Variants in NEDD1 observed in about 807,000 individuals in gnomAD.
NEDD1 encodes NEDD1 gamma-tubulin ring complex targeting factor.
NEDD1 carries 33 observed loss-of-function variants against 74.0 expected under a neutral mutation model. That is an observed-to-expected ratio of 0.45 (90% CI 0.34 to 0.60). The LOEUF is 0.60. NEDD1 is among the 20% of genes least tolerant of loss of function. The pLI is 0.01. For missense variants in NEDD1, 746 were observed against 776.5 expected, an observed-to-expected ratio of 0.96 and a Z score of 0.47; for synonymous variants, 250 against 264.4, an observed-to-expected ratio of 0.95 and a Z score of 0.53.
intron 8 of NEDD1, 53 bp downstream of exon 8, chr12:96,936,865 G>A (rs2052312): frequency 2.0e-5 from 23 of 1,130,486 alleles, no homozygotes; most frequent in Non-Finnish European, 3.0e-5. Flanking sequence ...ATCTAACTCA[G>A]AATATGGAAA....
At chr12:96,943,315 G>T (rs973669521) in intron 11 of NEDD1, among the ~76,000 whole-genome samples, 3 of 152,084 alleles carry the variant, frequency 2.0e-5, no homozygotes, top group Admixed American at 6.6e-5. Context: ...TATCTTTGAA[G>T]CCTTACCACT....
chr12:96,915,854 A>G (rs1284709609), intron 4 of NEDD1, among the ~76,000 whole-genome samples: 3 of 152,242 alleles, frequency 2.0e-5, no homozygotes, highest in African/African-American at 7.2e-5. Context: ...GCAGTAAACT[A>G]GTAAACAAAA....
At chr12:96,908,534 G>T (rs1216166028) in intron 2 of NEDD1, among the ~76,000 whole-genome samples, 1 of 152,110 alleles carries the variant, frequency 6.6e-6, no homozygotes, top group Non-Finnish European at 1.5e-5. Flanking sequence ...TAAAGTGCCT[G>T]TCTAGAGCAG....
In NEDD1 at chr12:96,953,146, G is replaced by A. The variant is rs1044910; in HGVS notation, c.*1093G>A. On this transcript the variant is annotated 3_prime_UTR_variant, in exon 16 of 16. Transcript: ENST00000266742. ...GTCTCTTGTCCCAAAGATTTAAACTGTGTACCTTTGTATAGCTCTTCTGCC... is the reference window on the plus strand; with the variant it reads ...GTCTCTTGTCCCAAAGATTTAAACTATGTACCTTTGTATAGCTCTTCTGCC... 0.55 allele frequency: 82,887 copies of A among 150,276 alleles called. 23,022 individuals carry two copies. The highest frequency in any genetic ancestry group is 0.57 in the Admixed American group (8,524 of 15,062). 9.3% of individuals were successfully genotyped at this position (150,276 alleles called of 1,614,324 possible). A position where few individuals can be genotyped will look rare whatever the true frequency, so the allele number is the denominator to read the frequency against.
chr12:96,916,096 A>G (rs954191717), intron 4 of NEDD1, among the ~76,000 whole-genome samples: 3 of 152,054 alleles, frequency 2.0e-5, no homozygotes, highest in Non-Finnish European at 4.4e-5. Flanking sequence ...AAGGAATGGA[A>G]GGTCAGTATG....
chr12:96,912,801 T>C lies in NEDD1; in HGVS notation c.215T>C (p.Leu72Ser), dbSNP rs771294752. 1.9e-6 allele frequency: 3 copies of C among 1,597,634 alleles called. No individual in the cohort carries two copies. In the South Asian group the frequency reaches 3.4e-5, roughly 18 times the overall value. Residue 72 changes from leucine (L) to serine (S), a missense_variant, in exon 4 of 16, where the codon TTA becomes TCA. Coordinates refer to ENST00000266742, the MANE Select transcript of NEDD1 (RefSeq NM_152905.4). ...TGCAAATGTAAACCTGTTCCACTTT[T>C]AGAGCTTGCTGAAGGGGTAAGTGAT... ...SSCKCKPVPLLELAEGQKQTC... is the reference protein window; with the variant it reads ...SSCKCKPVPLSELAEGQKQTC...
chr12:96,926,918 T>C (rs1249478511), intron 6 of NEDD1, among the ~76,000 whole-genome samples: 1 of 151,604 alleles, frequency 6.6e-6, no homozygotes, highest in Non-Finnish European at 1.5e-5. Flanking sequence ...GCCTGGGAGG[T>C]TGAGGCTGCA....
intron 6 of NEDD1, among the ~76,000 whole-genome samples, chr12:96,928,589 AT>A (rs35530798): frequency 9.2e-5 from 13 of 141,738 alleles, no homozygotes; most frequent in African/African-American, 1.3e-4. Context: ...ATTCAAAGGA[AT>A]TTTTTTTTTC....
chr12:96,907,588 ACTTTT>A lies in NEDD1; in HGVS notation c.-261-10_-261-6del. 1.3e-6 allele frequency: 2 copies of A among 1,550,596 alleles called. No homozygotes were observed. Among genetic ancestry groups the A allele is most frequent in the Non-Finnish European group, 1.7e-6 (2 of 1,146,050 alleles). ...GTCTCCTTTTTTGTCAACCTCAAGT[ACTTTT>A]CTTTTGGCAGGTACTTGGATGCATT... On this transcript the variant is annotated splice_polypyrimidine_tract_variant and intron_variant, in intron 1 of 15. Coordinates refer to ENST00000266742, the MANE Select transcript of NEDD1 (RefSeq NM_152905.4).
At position 96,909,914 on chromosome 12, in the gene NEDD1, AAACAC is replaced by A. The variant is rs745942162; in HGVS notation, c.136+21_136+25del. On this transcript the variant is annotated intron_variant, in intron 3 of 15. Transcript: ENST00000266742. ...AGCAATAGTATCCTTTAAAAAAAAA[AAACAC>A]ACACACACACACACAAACCGCTTAT... The A allele has an allele frequency of 1.4e-5, 22 of 1,539,330 alleles. No homozygotes were observed. The highest frequency in any genetic ancestry group is 9.2e-5 in the East Asian group (4 of 43,582).
chr12:96,909,748 G>T lies in NEDD1; in HGVS notation c.-8-4G>T, dbSNP rs1267474827. The T allele has an allele frequency of 6.2e-7, 1 of 1,606,038 alleles. No individual in the cohort carries two copies. The highest frequency in any genetic ancestry group is 8.5e-7 in the Non-Finnish European group (1 of 1,175,466). Reference sequence around the variant, plus strand: ...TAAAATACATTGTTTTAAACTATTTGTAGGCGCAGTCATGCAGGAAAACCT... The same window carrying T: ...TAAAATACATTGTTTTAAACTATTTTTAGGCGCAGTCATGCAGGAAAACCT... On this transcript the variant is annotated splice_region_variant and splice_polypyrimidine_tract_variant and intron_variant, in intron 2 of 15. Coordinates refer to ENST00000266742, the MANE Select transcript of NEDD1 (RefSeq NM_152905.4).
chr12:96,930,211 ACT>A (rs143562580), intron 6 of NEDD1, among the ~76,000 whole-genome samples: 56 of 89,276 alleles, frequency 6.3e-4, no homozygotes, highest in African/African-American at 1.1e-3. Context: ...ACACACACAC[ACT>A]CTCTCTCTCT....
At position 96,937,212 on chromosome 12, in the gene NEDD1, A is replaced by C. The variant is rs1254180942; in HGVS notation, c.936A>C (p.Lys312Asn). Residue 312 changes from lysine (K) to asparagine (N), a missense_variant, in exon 9 of 16, where the codon AAA becomes AAC. Coordinates refer to ENST00000266742, the MANE Select transcript of NEDD1 (RefSeq NM_152905.4). ...STVLTKSSLN[K>N]GCSNKPTTVN... is the part of the protein sequence containing the mutation. ...TTACATTTCAGTCAAGTTTAAATAA[A>C]GGCTGTTCAAATAAGCCCACAACAG... 3 of 1,597,906 alleles carry C rather than the reference A, an allele frequency of 1.9e-6. No individual in the cohort carries two copies. In the South Asian group the frequency reaches 3.4e-5, roughly 18 times the overall value.
intron 12 of NEDD1, among the ~76,000 whole-genome samples, chr12:96,944,405 C>CTTA (rs1328567935): frequency 6.6e-6 from 1 of 151,604 alleles, no homozygotes; most frequent in African/African-American, 2.4e-5. Context: ...ACAGCAGGTG[C>CTTA]TTAGTAAATG....
In NEDD1 at chr12:96,940,511, G is replaced by A; in HGVS notation, c.1220G>A (p.Gly407Asp). ...SFDDTGKSSL[G>D]DMFSPIRDDA... ...GATGATACTGGGAAAAGTAGTTTAG[G>A]TGACATGTTCTCACCTATCAGAGAT... Residue 407 changes from glycine to aspartate, a missense_variant, in exon 10 of 16, where the codon GGT becomes GAT. By Grantham distance (94) the Gly-to-Asp change is moderately conservative. Transcript: ENST00000266742. 1.2e-6 allele frequency: 2 copies of A among 1,606,500 alleles called. No homozygotes were observed. The highest frequency in any genetic ancestry group is 1.7e-6 in the Non-Finnish European group (2 of 1,174,128).
intron 14 of NEDD1, among the ~76,000 whole-genome samples, chr12:96,949,085 A>G (rs921874771): frequency 2.0e-5 from 3 of 152,106 alleles, no homozygotes; most frequent in Admixed American, 2.0e-4. Flanking sequence ...TCCCCCACCC[A>G]GCGAGACTAT....
At chr12:96,926,405 A>G (rs1875695497) in intron 6 of NEDD1, among the ~76,000 whole-genome samples, 1 of 152,168 alleles carries the variant, frequency 6.6e-6, no homozygotes. Context: ...TTATACCATT[A>G]AAACAGAATA....
At chr12:96,951,376 G>A in intron 14 of NEDD1, 56 bp from the exon 15 acceptor site, 1 of 934,086 alleles carries the variant, frequency 1.1e-6, no homozygotes. Flanking sequence ...TTTCTTGAAT[G>A]ACCTAGAATT....
Position 96,937,182 on chromosome 12 carries a change from T to C in NEDD1, c.922-16T>C, listed in dbSNP as rs767047707. 2.0e-6 allele frequency: 3 copies of C among 1,486,624 alleles called. No homozygotes were observed. Among genetic ancestry groups the C allele is most frequent in the Non-Finnish European group, 2.8e-6 (3 of 1,089,014 alleles). 92.1% of individuals were successfully genotyped at this position (1,486,624 alleles called of 1,614,324 possible). A position where few individuals can be genotyped will look rare whatever the true frequency, so the allele number is the denominator to read the frequency against. The stretch of plus-strand genomic sequence containing the variant: ...CATTAGTAACCTGAGCTTTTAAATA[T>C]TCCATTACATTTCAGTCAAGTTTAA... On this transcript the variant is annotated splice_polypyrimidine_tract_variant and intron_variant, in intron 8 of 15. Transcript: ENST00000266742.
Sources: allele counts gnomAD v4.1 joint callset (sites outside exome capture counted in the v4.1 genomes callset), GRCh38; gene constraint gnomAD v4.1.1; transcripts MANE v1.5; gene names NCBI Gene and HGNC (gene_info 2026-07-23, HGNC 2026-07-21).